The following PRKN variants were observed in gnomAD, a reference collection of about 807,000 sequenced individuals.
PRKN encodes the protein parkin RBR E3 ubiquitin protein ligase, also known as E3 ubiquitin-protein ligase parkin.
A neutral mutation model predicts 59.5 loss-of-function variants in PRKN; 56 were observed. The ratio of observed to expected loss-of-function variants is 0.94; its 90% CI spans 0.76 to 1.18. PRKN has a LOEUF of 1.18. PRKN is among the 50% of genes most tolerant of loss of function. The pLI is 0.00. For synonymous variants in PRKN, 250 were observed against 222.1 expected, an observed-to-expected ratio of 1.13 and a Z score of -1.12; for missense variants, 657 against 596.4, an observed-to-expected ratio of 1.10 and a Z score of -1.06.
In PRKN at chr6:161,428,428, G is replaced by A. The variant is rs1788491714; in HGVS notation, c.1084-41551C>T. Among the ~76,000 whole-genome samples, 2 of 152,102 alleles carry A rather than the reference G, an allele frequency of 1.3e-5. No homozygotes were observed. Among genetic ancestry groups the A allele is most frequent in the South Asian group, 2.1e-4 (1 of 4,836 alleles). Reference sequence around the variant, plus strand: ...ATCCGCCGGAGTCTGTGAGCTTCAGGGTCCACACGAGCCTCATGGAGAGAC... The same window carrying A: ...ATCCGCCGGAGTCTGTGAGCTTCAGAGTCCACACGAGCCTCATGGAGAGAC... On this transcript the variant is annotated intron_variant, in intron 9 of 11. Coordinates refer to ENST00000366898, the MANE Select transcript of PRKN (RefSeq NM_004562.3). This position sits in a 1 kb window ranked among gnomAD's most constrained non-coding sequence, Gnocchi z 4.0.
chr6:161,437,550 C>T (rs1195597756), intron 9 of PRKN, among the ~76,000 whole-genome samples: 1 of 152,126 alleles, frequency 6.6e-6, no homozygotes, highest in Non-Finnish European at 1.5e-5. Context: ...GGCGTGGATG[C>T]CACAAGGCAG....
chr6:161,613,368 T>TC (rs1782558427), intron 7 of PRKN, among the ~76,000 whole-genome samples: 1 of 97,968 alleles, frequency 1.0e-5, no homozygotes, highest in South Asian at 4.3e-4. Flanking sequence ...TGCGCAAAGA[T>TC]TTTTTTTTTT....
chr6:161,653,662 A>G (rs1049779853), intron 7 of PRKN, among the ~76,000 whole-genome samples: 1 of 152,238 alleles, frequency 6.6e-6, no homozygotes, highest in Admixed American at 6.5e-5. Flanking sequence ...TCCACCACAG[A>G]ATAGAGAAGT....
At chr6:161,971,867 C>A (rs1326914474) in intron 6 of PRKN, among the ~76,000 whole-genome samples, 1 of 152,112 alleles carries the variant, frequency 6.6e-6, no homozygotes, top group Non-Finnish European at 1.5e-5. Flanking sequence ...GTTCCAAAAG[C>A]CAGAGAGAGA....
chr6:161,688,510 T>C (rs1000366271), intron 7 of PRKN, among the ~76,000 whole-genome samples: 1 of 152,254 alleles, frequency 6.6e-6, no homozygotes, highest in Non-Finnish European at 1.5e-5. Context: ...ATAAATTTCA[T>C]TCCTTTATGA....
At chr6:162,282,553 T>C (rs1780956035) in intron 2 of PRKN, among the ~76,000 whole-genome samples, 1 of 152,220 alleles carries the variant, frequency 6.6e-6, no homozygotes, top group Admixed American at 6.5e-5. Context: ...AAAACACATG[T>C]ACATGGATGT....
Position 162,676,099 on chromosome 6 carries a change from T to C in PRKN, c.7+51563A>G, listed in dbSNP as rs149030213. Among the ~76,000 whole-genome samples the C allele has an allele frequency of 7.2e-4, 109 of 152,290 alleles. 1 individual carries two copies. The highest frequency in any genetic ancestry group is 7.1e-3 in the East Asian group (37 of 5,184). ...TGATGGAGGTCGTCTAAGCTTTTCA[T>C]ACTTAGAGAGGAAGACACTAGTAAC... is the stretch of plus-strand genomic sequence containing the variant. On this transcript the variant is annotated intron_variant, in intron 1 of 11. Transcript: ENST00000366898.
At chr6:161,559,344 G>C (rs1475437573) in intron 8 of PRKN, among the ~76,000 whole-genome samples, 3 of 152,164 alleles carry the variant, frequency 2.0e-5, no homozygotes, top group African/African-American at 7.2e-5. Context: ...CAGCTGATGT[G>C]ACTTCAGAGA....
intron 1 of PRKN, among the ~76,000 whole-genome samples, chr6:162,688,980 A>G (rs1451379218): frequency 6.6e-6 from 1 of 152,204 alleles, no homozygotes; most frequent in Admixed American, 6.5e-5. Context: ...ACAGTTATTT[A>G]TGAAGAAACA....
chr6:162,387,010 A>G (rs1786859940), intron 2 of PRKN, among the ~76,000 whole-genome samples: 1 of 152,124 alleles, frequency 6.6e-6, no homozygotes, highest in Admixed American at 6.5e-5. Context: ...TTAAAATGGA[A>G]GTTAATTAAA....
At chr6:161,791,761 T>C (rs1253072736) in intron 6 of PRKN, among the ~76,000 whole-genome samples, 2 of 152,166 alleles carry the variant, frequency 1.3e-5, no homozygotes, top group Non-Finnish European at 2.9e-5. Flanking sequence ...GTTAGAGAGA[T>C]AGGATATATT....
chr6:162,488,027 C>CTTTTTT (rs752587530), intron 1 of PRKN, among the ~76,000 whole-genome samples: 1 of 109,768 alleles, frequency 9.1e-6, no homozygotes, highest in African/African-American at 3.2e-5. Context: ...CACCATTTCC[C>CTTTTTT]TTTTTTTTTT....
At chr6:162,070,277 C>T (rs191014282) in intron 4 of PRKN, among the ~76,000 whole-genome samples, 47 of 152,254 alleles carry the variant, frequency 3.1e-4, no homozygotes, top group Admixed American at 1.1e-3. Context: ...TTTTATCTAA[C>T]GATTTGTTAA....
intron 1 of PRKN, among the ~76,000 whole-genome samples, chr6:162,575,304 C>T (rs930860463): frequency 6.6e-6 from 1 of 152,154 alleles, no homozygotes; most frequent in East Asian, 1.9e-4. Flanking sequence ...TGCAAAATGA[C>T]CTCTGCATGG....
At position 161,503,946 on chromosome 6, in the gene PRKN, TG is replaced by T. The variant is rs1252378563; in HGVS notation, c.1083+44907del. Among the ~76,000 whole-genome samples the T allele has an allele frequency of 3.3e-5, 5 of 152,330 alleles. No homozygotes were observed. In the East Asian group the frequency reaches 9.7e-4, roughly 29 times the overall value. On this transcript the variant is annotated intron_variant, in intron 9 of 11. Transcript: ENST00000366898. This position sits in a 1 kb window ranked among gnomAD's most constrained non-coding sequence, Gnocchi z 5.1. ...GGGGGAAAGCATTGAAGAACCTCTG[TG>T]GTCAACCTAATTCTTTGCTATATCC...
At chr6:161,753,574 T>C (rs9347537) in intron 7 of PRKN, among the ~76,000 whole-genome samples, 1 of 152,298 alleles carries the variant, frequency 6.6e-6, no homozygotes, top group East Asian at 1.9e-4. Flanking sequence ...AGTTATTGAC[T>C]GGCTGAGCAT....
intron 2 of PRKN, among the ~76,000 whole-genome samples, chr6:162,405,843 TCAGAGTTCTAGACTC>T: frequency 6.6e-6 from 1 of 152,132 alleles, no homozygotes. Flanking sequence ...CCGAGTGATC[TCAGAGTTCTAGACTC>T]CAGACCTGGG....
chr6:161,882,328 A>G (rs891620433), intron 6 of PRKN, among the ~76,000 whole-genome samples: 2 of 152,122 alleles, frequency 1.3e-5, no homozygotes, highest in African/African-American at 4.8e-5. Flanking sequence ...GATCACAGCA[A>G]CGGCATGGGG....
At chr6:162,154,001 T>C (rs79357409) in intron 4 of PRKN, among the ~76,000 whole-genome samples, 2,911 of 152,266 alleles carry the variant, frequency 0.019, 89 homozygotes, top group African/African-American at 0.065. Context: ...CTTTGGGCCA[T>C]GGGTTCAGGC....
Sources: gnomAD v4.1 joint callset for allele counts (sites outside exome capture counted in the v4.1 genomes callset) on GRCh38, gnomAD v4.1.1 for gene constraint, Gnocchi (gnomAD v3.1) non-coding constraint, MANE v1.5 for transcripts, NCBI Gene and HGNC (gene_info 2026-07-23, HGNC 2026-07-21) for gene names.